GRB2: variants seen among roughly 807,000 people sequenced by gnomAD.
GRB2 encodes the protein growth factor receptor bound protein 2.
Under a neutral mutation model 27.4 loss-of-function variants are expected in GRB2, and 2 were observed. The observed-to-expected ratio is 0.07, with a 90% CI of 0.03 to 0.23. The LOEUF is 0.23. Among genes scored for constraint, GRB2 ranks in the 10% least tolerant of loss-of-function variants. The pLI is 1.00. For missense variants in GRB2, 102 were observed against 282.4 expected, an observed-to-expected ratio of 0.36 and a Z score of 4.58; for synonymous variants, 94 against 99.6, an observed-to-expected ratio of 0.94 and a Z score of 0.33.
chr17:75,393,652 C>T lies in GRB2; in HGVS notation c.-24G>A, dbSNP rs767104755. ...ATTCTGAGCGCTGCTCAGTGCTCAGCAGCCTGAAGCAGGGGGAAGGGAGTC... is the reference window on the plus strand; with the variant it reads ...ATTCTGAGCGCTGCTCAGTGCTCAGTAGCCTGAAGCAGGGGGAAGGGAGTC... On this transcript the variant is annotated 5_prime_UTR_variant, in exon 2 of 6. Coordinates refer to ENST00000316804, the MANE Select transcript of GRB2 (RefSeq NM_002086.5). 1.3e-6 allele frequency: 2 copies of T among 1,590,652 alleles called. No homozygotes were observed. The highest frequency in any genetic ancestry group is 3.3e-5 in the Admixed American group (2 of 59,974).
chr17:75,359,522 T>TAATAAA (rs1427259354), intron 2 of GRB2, among the ~76,000 whole-genome samples: 9 of 106,528 alleles, frequency 8.4e-5, no homozygotes, highest in Admixed American at 9.3e-5. Context: ...ATAATAATAA[T>TAATAAA]AAATAATAAT....
Position 75,341,544 on chromosome 17 carries a change from C to T in GRB2, c.79-8747G>A, listed in dbSNP as rs1041392601. 4.7e-5 allele frequency among the ~76,000 whole-genome samples: 7 copies of T among 150,150 alleles called. No homozygotes were observed. The East Asian group carries it at 1.4e-3, about 29-fold the overall frequency. On this transcript the variant is annotated intron_variant, in intron 2 of 5. Coordinates refer to ENST00000316804, the MANE Select transcript of GRB2 (RefSeq NM_002086.5). ...CCTGGTGATGGAATGGTGAGAGGTTCTGACTTAGCACCTTTTAAACATTTT... is the reference window on the plus strand; with the variant it reads ...CCTGGTGATGGAATGGTGAGAGGTTTTGACTTAGCACCTTTTAAACATTTT...
At chr17:75,357,916 G>A (rs1390178921) in intron 2 of GRB2, among the ~76,000 whole-genome samples, 2 of 151,912 alleles carry the variant, frequency 1.3e-5, no homozygotes, top group Admixed American at 1.3e-4. Flanking sequence ...GTGAGACTTT[G>A]TCTCAAAAAA....
At chr17:75,361,279 A>T (rs2078779973) in intron 2 of GRB2, among the ~76,000 whole-genome samples, 1 of 152,222 alleles carries the variant, frequency 6.6e-6, no homozygotes, top group Non-Finnish European at 1.5e-5. Flanking sequence ...TCTCAAAAAC[A>T]TTTTGCGAAC....
chr17:75,379,788 T>C (rs1036537858), intron 2 of GRB2, among the ~76,000 whole-genome samples: 5 of 152,188 alleles, frequency 3.3e-5, no homozygotes, highest in Non-Finnish European at 7.3e-5. Flanking sequence ...AAGCATTTTA[T>C]AAAAGTTGAT....
At chr17:75,344,244 A>G (rs2078640444) in intron 2 of GRB2, among the ~76,000 whole-genome samples, 1 of 152,174 alleles carries the variant, frequency 6.6e-6, no homozygotes, top group African/African-American at 2.4e-5. Context: ...TAGAAGGAAC[A>G]TGGCAGACTC....
chr17:75,358,512 A>G (rs542743320), intron 2 of GRB2, among the ~76,000 whole-genome samples: 44 of 152,034 alleles, frequency 2.9e-4, no homozygotes, highest in African/African-American at 8.4e-4. Context: ...TATTCATGGC[A>G]TTATCCTAAA....
At chr17:75,326,228 A>G (rs2078497730) in intron 3 of GRB2, 5 of 577,210 alleles carry the variant, frequency 8.7e-6, no homozygotes, top group Non-Finnish European at 1.5e-5. Context: ...ATTTCCCAGA[A>G]AGCGACTCAC....
At chr17:75,342,009 C>T (rs1024131854) in intron 2 of GRB2, among the ~76,000 whole-genome samples, 1 of 152,122 alleles carries the variant, frequency 6.6e-6, no homozygotes. Flanking sequence ...GTCAGCTAGT[C>T]AACTCACCGA....
intron 2 of GRB2, among the ~76,000 whole-genome samples, chr17:75,339,805 T>C (rs1183157925): frequency 6.6e-6 from 1 of 152,060 alleles, no homozygotes; most frequent in East Asian, 1.9e-4. Context: ...TGTTTTGTAT[T>C]TTTAGTAGAG....
intron 2 of GRB2, among the ~76,000 whole-genome samples, chr17:75,334,166 G>T (rs1309627605): frequency 4.0e-5 from 6 of 151,536 alleles, no homozygotes; most frequent in Admixed American, 6.6e-5. Context: ...TTTTTTTTTA[G>T]ATTTATTTAT....
chr17:75,352,394 G>C (rs1567864270), intron 2 of GRB2, among the ~76,000 whole-genome samples: 1 of 152,222 alleles, frequency 6.6e-6, no homozygotes, highest in Non-Finnish European at 1.5e-5. Flanking sequence ...CTAAATGATA[G>C]GATGTATTAA....
chr17:75,362,111 C>T (rs1423027752), intron 2 of GRB2, among the ~76,000 whole-genome samples: 3 of 30,224 alleles, frequency 9.9e-5, no homozygotes, highest in African/African-American at 1.6e-4. Context: ...CCATTCATCA[C>T]CCTCAGGCCC....
chr17:75,368,664 C>A (rs1263531471), intron 2 of GRB2, among the ~76,000 whole-genome samples: 1 of 151,932 alleles, frequency 6.6e-6, no homozygotes, highest in Non-Finnish European at 1.5e-5. Flanking sequence ...CCCACCTAAG[C>A]CTCCTGAGTA....
At chr17:75,403,169 T>C (rs926385368) in intron 1 of GRB2, among the ~76,000 whole-genome samples, 2 of 139,478 alleles carry the variant, frequency 1.4e-5, no homozygotes, top group Middle Eastern at 3.5e-3. Context: ...TATATATATA[T>C]AAATATATAT....
At chr17:75,389,799 C>T (rs1367621365) in intron 2 of GRB2, among the ~76,000 whole-genome samples, 1 of 151,968 alleles carries the variant, frequency 6.6e-6, no homozygotes, top group Admixed American at 6.6e-5. Flanking sequence ...GAGCCGAGAT[C>T]GCGCCACTGC....
At chr17:75,362,161 T>C (rs2078786866) in intron 2 of GRB2, among the ~76,000 whole-genome samples, 1 of 152,116 alleles carries the variant, frequency 6.6e-6, no homozygotes, top group South Asian at 2.1e-4. Flanking sequence ...GCCACTAGCC[T>C]CTCCAGGACA....
rs2078752830 is a variant in GRB2, at chr17:75,358,713, A to AC, written c.79-25917_79-25916insG. ...TCCCATCTCTACTAAAAAAAAAAAA[A>AC]AAAAAAAAAAAAACAAAAAATTAGC... On this transcript the variant is annotated intron_variant, in intron 2 of 5. Coordinates refer to ENST00000316804, the MANE Select transcript of GRB2 (RefSeq NM_002086.5). 2.7e-5 allele frequency among the ~76,000 whole-genome samples: 4 copies of AC among 146,442 alleles called. No homozygotes were observed. In the South Asian group the frequency reaches 6.4e-4, roughly 23 times the overall value.
chr17:75,324,515 T>TTTTTTG (rs2078484170), intron 4 of GRB2, among the ~76,000 whole-genome samples: 4 of 58,656 alleles, frequency 6.8e-5, no homozygotes, highest in African/African-American at 1.9e-4. Flanking sequence ...CAGTTTTTTT[T>TTTTTTG]TTTTTTTTTT....
Sources: allele counts gnomAD v4.1 joint callset (sites outside exome capture counted in the v4.1 genomes callset), GRCh38; gene constraint gnomAD v4.1.1; transcripts MANE v1.5; gene names NCBI Gene and HGNC (gene_info 2026-07-23, HGNC 2026-07-21).